ALDH2: variants seen among roughly 807,000 people sequenced by gnomAD.
The protein encoded by ALDH2 is aldehyde dehydrogenase 2 family member.
Under a neutral mutation model 59.6 loss-of-function variants are expected in ALDH2, and 44 were observed. The observed-to-expected ratio is 0.74, with a 90% CI of 0.58 to 0.95. The LOEUF (loss-of-function observed/expected upper bound fraction) is 0.95, where lower values mean the gene tolerates loss of function less well. Ranked by LOEUF, ALDH2 falls within the 40% of genes least tolerant of loss-of-function variation. The probability of loss-of-function intolerance (pLI) is 0.00; values close to 1 mark genes in which losing one functional copy is unlikely to be tolerated. For synonymous variants in ALDH2, 291 were observed against 284.0 expected (o/e 1.02, Z -0.25); for missense variants, 570 against 696.3 (o/e 0.82, Z 2.04).
At chr12:111,805,489 T>A (rs1566196412) in intron 12 of ALDH2, among the ~76,000 whole-genome samples, 1 of 152,152 alleles carries the variant, frequency 6.6e-6, no homozygotes, top group Non-Finnish European at 1.5e-5. Context: ...CATTCCTGAC[T>A]AATTTTTGTA....
At position 111,781,941 on chromosome 12, in the gene ALDH2, C is replaced by T. The variant is rs1461194913; in HGVS notation, c.138C>T (p.His46=). The T allele has an allele frequency of 1.1e-5, 17 of 1,613,486 alleles. No homozygotes were observed. Among genetic ancestry groups the T allele is most frequent in the Admixed American group, 6.7e-5 (4 of 59,962 alleles). The change falls in exon 2 of 13, where the codon CAC becomes CAT. Residue 46 remains histidine (H), a synonymous_variant. Coordinates refer to ENST00000261733, the MANE Select transcript of ALDH2 (RefSeq NM_000690.4). The part of the protein sequence containing the change: ...CNQIFINNEW[H]DAVSRKTFPT... ...AGATTTTCATAAACAATGAATGGCACGATGCCGTCAGCAGGAAAACATTCC... is the reference window on the plus strand; with the variant it reads ...AGATTTTCATAAACAATGAATGGCATGATGCCGTCAGCAGGAAAACATTCC...
chr12:111,817,059 G>A lies in ALDH2; in HGVS notation c.*7484G>A, dbSNP rs150416647. 4.6e-5 allele frequency: 7 copies of A among 152,256 alleles called. No homozygotes were observed. Among genetic ancestry groups the A allele is most frequent in the South Asian group, 2.1e-4 (1 of 4,824 alleles). 9.4% of individuals were successfully genotyped at this position (152,256 alleles called of 1,614,324 possible). On this transcript the variant is annotated 3_prime_UTR_variant, in exon 13 of 13. Coordinates refer to ENST00000261733, the MANE Select transcript of ALDH2 (RefSeq NM_000690.4). Reference sequence around the variant, plus strand: ...TACTTGTTCTCCTAACTGTAGAGCCGTGGATTTCAACAATGCCACTTCAGT... The same window carrying A: ...TACTTGTTCTCCTAACTGTAGAGCCATGGATTTCAACAATGCCACTTCAGT...
At chr12:111,798,345 C>A in intron 10 of ALDH2, 103 bp downstream of exon 10, 1 of 1,308,278 alleles carries the variant, frequency 7.6e-7, no homozygotes, top group Non-Finnish European at 1.0e-6. Context: ...TGGCTTGGGG[C>A]CAGATCTCAA....
At position 111,789,891 on chromosome 12, in the gene ALDH2, A is replaced by G. The variant is rs1482640727; in HGVS notation, c.509A>G (p.Tyr170Cys). ...CCCATTGACGGAGACTTCTTCAGCT[A>G]CACACGCCATGAACCTGTGGGGGTG... ...TIPIDGDFFS[Y>C]TRHEPVGVCG... Residue 170 changes from tyrosine (Y) to cysteine (C), a missense_variant, in exon 5 of 13, where the codon TAC (tyrosine) becomes TGC (cysteine). Physicochemically the swap from Tyr to Cys is radical, Grantham distance 194 (BLOSUM62 -2). Coordinates refer to ENST00000261733, the MANE Select transcript of ALDH2 (RefSeq NM_000690.4). 2.5e-6 allele frequency: 4 copies of G among 1,614,062 alleles called. No homozygotes were observed. The highest frequency in any genetic ancestry group is 3.4e-6 in the Non-Finnish European group (4 of 1,180,036).
chr12:111,791,194 T>A, intron 6 of ALDH2, 112 bp from the exon 7 acceptor site: 1 of 753,298 alleles, frequency 1.3e-6, no homozygotes, highest in South Asian at 1.7e-5. Flanking sequence ...TCTGACCACA[T>A]GTGTCCTTGG....
chr12:111,799,802 G>T (rs769913072), intron 10 of ALDH2, 104 bp from the exon 11 acceptor site: 3 of 1,355,918 alleles, frequency 2.2e-6, no homozygotes, highest in South Asian at 2.9e-5. Flanking sequence ...GAGCATGGCT[G>T]GGGGCTTATC....
At position 111,792,089 on chromosome 12, in the gene ALDH2, G is replaced by C; in HGVS notation, c.824G>C (p.Gly275Ala). 2 of 1,609,690 alleles carry C rather than the reference G, an allele frequency of 1.2e-6. No homozygotes were observed. Among genetic ancestry groups the C allele is most frequent in the Non-Finnish European group, 8.5e-7 (1 of 1,178,098 alleles). ...EIGRVIQVAA[G>A]SSNLKRVTLE... is the part of the protein sequence containing the mutation. ...GGCCGCGTAATCCAGGTTGCTGCTG[G>C]GAGCAGCAACCTCAAGAGAGTGACC... The change falls in exon 8 of 13, where the codon GGG (glycine) becomes GCG (alanine). Residue 275 changes from glycine (G) to alanine (A), a missense_variant. Coordinates refer to ENST00000261733, the MANE Select transcript of ALDH2 (RefSeq NM_000690.4).
At chr12:111,774,159 C>T (rs2068219857) in intron 1 of ALDH2, among the ~76,000 whole-genome samples, 1 of 152,078 alleles carries the variant, frequency 6.6e-6, no homozygotes, top group Admixed American at 6.6e-5. Context: ...AAAAAAGGCC[C>T]TGGGGTGGGG....
At chr12:111,789,739 C>T (rs1208414734) in intron 4 of ALDH2, 84 bp from the exon 5 acceptor site, 6 of 1,135,172 alleles carry the variant, frequency 5.3e-6, no homozygotes, top group East Asian at 2.5e-5. Flanking sequence ...TCAGCTGGAC[C>T]AGTTTGAGTC....
chr12:111,796,602 G>A (rs751901478), intron 9 of ALDH2, among the ~76,000 whole-genome samples: 2 of 152,092 alleles, frequency 1.3e-5, no homozygotes, highest in African/African-American at 4.8e-5. Context: ...GCTGTTGTAT[G>A]TTTATTTTTT....
chr12:111,786,570 C>T (rs2068311396), intron 4 of ALDH2, among the ~76,000 whole-genome samples: 1 of 142,618 alleles, frequency 7.0e-6, no homozygotes, highest in African/African-American at 2.6e-5. Context: ...TTTTTTGAGG[C>T]AGGGTCTCAC....
intron 3 of ALDH2, among the ~76,000 whole-genome samples, chr12:111,783,980 T>C (rs1593074845): frequency 6.6e-6 from 1 of 151,958 alleles, no homozygotes; most frequent in Non-Finnish European, 1.5e-5. Flanking sequence ...GGAGGCAATC[T>C]CCTCCCAGCC....
chr12:111,793,284 A>G (rs1446863877), intron 9 of ALDH2, among the ~76,000 whole-genome samples: 2 of 151,784 alleles, frequency 1.3e-5, no homozygotes, highest in Non-Finnish European at 2.9e-5. Flanking sequence ...TAGTGGTGCA[A>G]TCATACCTCA....
chr12:111,778,708 C>A (rs1320892292), intron 1 of ALDH2, among the ~76,000 whole-genome samples: 1 of 150,888 alleles, frequency 6.6e-6, no homozygotes, highest in African/African-American at 2.4e-5. Context: ...GTGGCAGGCG[C>A]CTATAGTCCC....
chr12:111,796,414 G>A (rs1386599798), intron 9 of ALDH2, among the ~76,000 whole-genome samples: 1 of 152,102 alleles, frequency 6.6e-6, no homozygotes, highest in Non-Finnish European at 1.5e-5. Flanking sequence ...TTGGGAGGCT[G>A]AGGTGGGAGC....
At chr12:111,806,871 T>TGA (rs1593089388) in intron 12 of ALDH2, among the ~76,000 whole-genome samples, 1 of 152,010 alleles carries the variant, frequency 6.6e-6, no homozygotes, top group East Asian at 1.9e-4. Flanking sequence ...CTTGGGAGGC[T>TGA]GAGACAAGAG....
intron 9 of ALDH2, among the ~76,000 whole-genome samples, chr12:111,793,784 C>T (rs1185816266): frequency 6.6e-6 from 1 of 151,680 alleles, no homozygotes; most frequent in Non-Finnish European, 1.5e-5. Flanking sequence ...CAGGGTTTCA[C>T]TCTGTTGCCC....
At chr12:111,808,203 T>C (rs2068511756) in intron 12 of ALDH2, among the ~76,000 whole-genome samples, 1 of 152,174 alleles carries the variant, frequency 6.6e-6, no homozygotes, top group South Asian at 2.1e-4. Context: ...AAAAGATTGC[T>C]CTGCTTAATC....
At chr12:111,796,028 A>G (rs2068400339) in intron 9 of ALDH2, among the ~76,000 whole-genome samples, 1 of 152,012 alleles carries the variant, frequency 6.6e-6, no homozygotes, top group Non-Finnish European at 1.5e-5. Flanking sequence ...TGGGAGGCTG[A>G]GGCAGGAGAA....
Sources: gnomAD v4.1 joint callset for allele counts (sites outside exome capture counted in the v4.1 genomes callset) on GRCh38, gnomAD v4.1.1 for gene constraint, MANE v1.5 for transcripts, NCBI Gene and HGNC (gene_info 2026-07-23, HGNC 2026-07-21) for gene names.